Variants in SNTG1 observed in about 807,000 individuals in gnomAD.
SNTG1 encodes syntrophin gamma 1.
In SNTG1, 39 loss-of-function variants were observed where a neutral mutation model predicts 74.7. The observed-to-expected ratio is 0.52, with a 90% confidence interval of 0.40 to 0.68. The LOEUF is 0.68. Among genes scored for constraint, SNTG1 ranks in the 30% least tolerant of loss-of-function variants. SNTG1 has a pLI of 0.00. For synonymous variants in SNTG1, 254 were observed against 217.1 expected (o/e 1.17, Z -1.49); for missense variants, 685 against 609.5 (o/e 1.12, Z -1.30).
chr8:50,092,258 A>G (rs147932801), intron 1 of SNTG1, among the ~76,000 whole-genome samples: 43 of 152,298 alleles, frequency 2.8e-4, no homozygotes, highest in African/African-American at 1.0e-3. Flanking sequence ...AAAGACCTTA[A>G]TTAGATGGTC....
At chr8:49,947,106 C>A (rs1809262425) in intron 1 of SNTG1, among the ~76,000 whole-genome samples, 1 of 152,088 alleles carries the variant, frequency 6.6e-6, no homozygotes, top group Admixed American at 6.6e-5. Context: ...TTGAGACCAG[C>A]CTGGCCCACA....
chr8:49,954,328 G>A (rs1809976087), intron 1 of SNTG1, among the ~76,000 whole-genome samples: 1 of 152,146 alleles, frequency 6.6e-6, no homozygotes, highest in African/African-American at 2.4e-5. Context: ...CACTTGATTA[G>A]TAACTATGTA....
chr8:50,354,644 C>T (rs566653315), intron 2 of SNTG1, among the ~76,000 whole-genome samples: 1 of 152,160 alleles, frequency 6.6e-6, no homozygotes, highest in South Asian at 2.1e-4. Context: ...TGGCTTAAAA[C>T]AGCATGTGTT....
At chr8:50,190,509 T>A (rs2083532914) in intron 2 of SNTG1, among the ~76,000 whole-genome samples, 2 of 152,162 alleles carry the variant, frequency 1.3e-5, no homozygotes, top group Non-Finnish European at 2.9e-5. Context: ...TTTAAATGAT[T>A]TCTCTTTGAG....
intron 1 of SNTG1, among the ~76,000 whole-genome samples, chr8:50,157,283 C>T (rs1390882414): frequency 6.6e-6 from 1 of 152,072 alleles, no homozygotes; most frequent in Non-Finnish European, 1.5e-5. Flanking sequence ...AGAAGAGTGA[C>T]TGTGCCTGAG....
Position 50,530,197 on chromosome 8 carries a change from A to T in SNTG1, c.487A>T (p.Ser163Cys). ...DCACAPSDQS[S>C]GTSSPLCDSG... Reference sequence around the variant, plus strand: ...TGCAGGTGCTCCAAGTGACCAGAGCAGTGGCACCTCCTCTCCTCTCTGTGA... The same window carrying T: ...TGCAGGTGCTCCAAGTGACCAGAGCTGTGGCACCTCCTCTCCTCTCTGTGA... The change falls in exon 10 of 19, where the codon AGT (serine) becomes TGT (cysteine). Residue 163 changes from serine to cysteine, a missense_variant. By Grantham distance (112) the Ser-to-Cys change is moderately radical. Transcript: ENST00000642720. 6.2e-7 allele frequency: 1 copy of T among 1,613,794 alleles called. No individual in the cohort carries two copies. Among genetic ancestry groups the T allele is most frequent in the Non-Finnish European group, 8.5e-7 (1 of 1,179,760 alleles).
At chr8:50,198,140 C>T (rs1380449543) in intron 2 of SNTG1, among the ~76,000 whole-genome samples, 4 of 152,072 alleles carry the variant, frequency 2.6e-5, no homozygotes, top group African/African-American at 9.7e-5. Flanking sequence ...TGAAGTCTCC[C>T]ATTTGCCGCC....
At chr8:50,763,737 G>A (rs998359849) in intron 18 of SNTG1, among the ~76,000 whole-genome samples, 1 of 144,632 alleles carries the variant, frequency 6.9e-6, no homozygotes, top group African/African-American at 2.6e-5. Context: ...TTCAGGGATT[G>A]GAAAAATTAA....
At chr8:50,771,256 G>A (rs559313098) in intron 18 of SNTG1, among the ~76,000 whole-genome samples, 99 of 152,226 alleles carry the variant, frequency 6.5e-4, no homozygotes, top group African/African-American at 2.3e-3. Flanking sequence ...ACTTCTTAGA[G>A]ATTCATTATG....
rs1007945352 is a variant in SNTG1, at chr8:50,536,582, G to A, written c.550-96G>A. On this transcript the variant is annotated intron_variant, in intron 10 of 18. Coordinates refer to ENST00000642720, the MANE Select transcript of SNTG1 (RefSeq NM_018967.5). ...CCATTAAAGTCTTTTGATCATTTAG[G>A]GGAAAAATAATATCCCCCAGATAAA... The A allele has an allele frequency of 2.8e-6, 4 of 1,429,260 alleles. No individual in the cohort carries two copies. In the African/African-American group the frequency reaches 4.3e-5, roughly 15 times the overall value. The allele number at this position is 1,429,260 out of a possible 1,614,324, so 88.5% of individuals were successfully genotyped here.
chr8:50,291,560 G>A (rs2089111870), intron 2 of SNTG1, among the ~76,000 whole-genome samples: 1 of 152,128 alleles, frequency 6.6e-6, no homozygotes, highest in African/African-American at 2.4e-5. Context: ...AAAGTTGCAG[G>A]GCTAGATCGA....
At chr8:50,633,801 T>C (rs544491641) in intron 13 of SNTG1, among the ~76,000 whole-genome samples, 1 of 152,304 alleles carries the variant, frequency 6.6e-6, no homozygotes, top group East Asian at 1.9e-4. Flanking sequence ...CAGTATTTAA[T>C]CAATGGGATT....
chr8:50,378,598 G>A (rs1298610102), intron 2 of SNTG1, among the ~76,000 whole-genome samples: 1 of 152,186 alleles, frequency 6.6e-6, no homozygotes, highest in East Asian at 1.9e-4. Context: ...GAAAGCCACA[G>A]CAGGTAGCTC....
intron 2 of SNTG1, among the ~76,000 whole-genome samples, chr8:50,180,910 G>A (rs1027366430): frequency 4.5e-4 from 69 of 152,002 alleles, no homozygotes; most frequent in African/African-American, 1.4e-3. Context: ...ACAGATGCAC[G>A]CCACCATGCC....
intron 9 of SNTG1, among the ~76,000 whole-genome samples, chr8:50,511,570 A>C (rs890577631): frequency 1.3e-5 from 2 of 152,092 alleles, no homozygotes; most frequent in Non-Finnish European, 2.9e-5. Context: ...GTAGGTCTCT[A>C]AGGACTTGCT....
chr8:50,616,882 C>T (rs78276582), intron 13 of SNTG1, among the ~76,000 whole-genome samples: 12 of 152,174 alleles, frequency 7.9e-5, no homozygotes, highest in African/African-American at 2.7e-4. Context: ...TCCTCCGTCA[C>T]GCAAGCCCCA....
chr8:50,388,215 C>A (rs2131275137), intron 2 of SNTG1, among the ~76,000 whole-genome samples: 1 of 152,128 alleles, frequency 6.6e-6, no homozygotes, highest in East Asian at 1.9e-4. Context: ...CACCCTTTTT[C>A]TCTCTACTTT....
chr8:50,266,301 G>C (rs7017642), intron 2 of SNTG1, among the ~76,000 whole-genome samples: 6 of 151,854 alleles, frequency 4.0e-5, no homozygotes, highest in African/African-American at 1.5e-4. Context: ...ATGCCAAATT[G>C]ATTTTCAACA....
intron 2 of SNTG1, among the ~76,000 whole-genome samples, chr8:50,209,576 C>T (rs1404485050): frequency 6.6e-6 from 1 of 152,182 alleles, no homozygotes; most frequent in Non-Finnish European, 1.5e-5. Flanking sequence ...ATTTGCTGCT[C>T]TGCAGCCTCC....
Sources: gnomAD v4.1 joint callset for allele counts (sites outside exome capture counted in the v4.1 genomes callset) on GRCh38, gnomAD v4.1.1 for gene constraint, MANE v1.5 for transcripts, NCBI Gene and HGNC (gene_info 2026-07-23, HGNC 2026-07-21) for gene names.